Variants in LEO1 observed in about 807,000 individuals in gnomAD.
LEO1 encodes the protein LEO1 component of Paf1/RNA polymerase II complex.
In LEO1, 34 loss-of-function variants were observed where a neutral mutation model predicts 80.4. The observed-to-expected ratio is 0.42, with a 90% CI of 0.32 to 0.56. The LOEUF (loss-of-function observed/expected upper bound fraction) is 0.56. Among genes scored for constraint, LEO1 ranks in the 20% least tolerant of loss-of-function variants. The probability of loss-of-function intolerance (pLI) is 0.10; values close to 1 mark genes in which losing one functional copy is unlikely to be tolerated. For missense variants in LEO1, 631 were observed against 814.2 expected, an observed-to-expected ratio of 0.77 and a Z score of 2.74; for synonymous variants, 262 against 274.9, an observed-to-expected ratio of 0.95 and a Z score of 0.46.
At chr15:51,947,190 A>G in intron 11 of LEO1, 102 bp downstream of exon 11, 5 of 782,168 alleles carry the variant, frequency 6.4e-6, no homozygotes, top group Non-Finnish European at 1.1e-5. Context: ...TGACGTGTGT[A>G]GACAACTAAT....
At chr15:51,971,190 A>G (rs2057119937) in intron 1 of LEO1, among the ~76,000 whole-genome samples, 1 of 152,050 alleles carries the variant, frequency 6.6e-6, no homozygotes, top group Non-Finnish European at 1.5e-5. Flanking sequence ...ACCCCATCCC[A>G]TTATCCGTCC....
At chr15:51,948,330 T>G (rs75756083) in intron 10 of LEO1, among the ~76,000 whole-genome samples, 1 of 152,204 alleles carries the variant, frequency 6.6e-6, no homozygotes. Flanking sequence ...GTTACACACC[T>G]CTCTCTCTTA....
At chr15:51,947,442 G>T in intron 10 of LEO1, 53 bp from the exon 11 acceptor site, 2 of 1,317,512 alleles carry the variant, frequency 1.5e-6, no homozygotes, top group Non-Finnish European at 2.2e-6. Context: ...CTGAGACAGG[G>T]TCTTGCTTTG....
At chr15:51,962,176 A>AG (rs1363526613) in intron 3 of LEO1, among the ~76,000 whole-genome samples, 1 of 151,870 alleles carries the variant, frequency 6.6e-6, no homozygotes, top group Non-Finnish European at 1.5e-5. Context: ...AAAAAAAAAA[A>AG]AAAAACTACA....
intron 11 of LEO1, among the ~76,000 whole-genome samples, chr15:51,939,064 AAT>A (rs2056825483): frequency 6.6e-6 from 1 of 152,202 alleles, no homozygotes; most frequent in South Asian, 2.1e-4. Context: ...GCACGCCTGT[AAT>A]CCCAGCTACT....
At chr15:51,965,608 A>T (rs1026879290) in intron 2 of LEO1, 141 bp downstream of exon 2, 9 of 1,137,962 alleles carry the variant, frequency 7.9e-6, no homozygotes, top group Non-Finnish European at 1.1e-5. Context: ...AGCAAAATGT[A>T]TTCTAGAGTT....
At chr15:51,962,642 T>C (rs555379698) in intron 2 of LEO1, 149 bp from the exon 3 acceptor site, 203 of 594,030 alleles carry the variant, frequency 3.4e-4, no homozygotes, top group African/African-American at 3.3e-3. Context: ...ATGTAACCAA[T>C]TGGATGAATC....
Position 51,959,963 on chromosome 15 carries a change from T to C in LEO1, c.1096A>G (p.Asn366Asp). 6.2e-7 allele frequency: 1 copy of C among 1,613,540 alleles called. No homozygotes were observed. ...TRIEVEIPKV[N>D]TDLGNDLYFV... Reference sequence around the variant, plus strand: ...TATAAGTCGTTTCCTAAATCAGTGTTTACTTTGGGTATTTCTACTTCTATT... The same window carrying C: ...TATAAGTCGTTTCCTAAATCAGTGTCTACTTTGGGTATTTCTACTTCTATT... Residue 366 changes from asparagine to aspartate, a missense_variant, in exon 5 of 12, where the codon AAC becomes GAC. Physicochemically the swap from Asn to Asp is conservative, Grantham distance 23. Transcript: ENST00000299601.
At chr15:51,951,719 C>T (rs1595936233) in intron 9 of LEO1, 125 bp downstream of exon 9, 4 of 773,778 alleles carry the variant, frequency 5.2e-6, no homozygotes, top group East Asian at 5.3e-5. Flanking sequence ...GAATCCAGCT[C>T]CCTATTCATG....
chr15:51,942,188 A>G (rs893737102), intron 11 of LEO1, among the ~76,000 whole-genome samples: 51 of 152,336 alleles, frequency 3.3e-4, no homozygotes, highest in African/African-American at 1.2e-3. Flanking sequence ...AAACTAGGGT[A>G]CCATGAAGAG....
At chr15:51,951,754 C>T in intron 9 of LEO1, 90 bp downstream of exon 9, 1 of 1,153,316 alleles carries the variant, frequency 8.7e-7, no homozygotes, top group Non-Finnish European at 1.3e-6. Context: ...AAAAGGTAGG[C>T]CAATAAGAGA....
chr15:51,965,054 T>C (rs1198120588), intron 2 of LEO1, among the ~76,000 whole-genome samples: 1 of 152,156 alleles, frequency 6.6e-6, no homozygotes, highest in Non-Finnish European at 1.5e-5. Context: ...ACACTGTCCA[T>C]TGAGATCACC....
At chr15:51,962,694 C>T (rs2057040862) in intron 2 of LEO1, among the ~76,000 whole-genome samples, 1 of 152,202 alleles carries the variant, frequency 6.6e-6, no homozygotes, top group East Asian at 1.9e-4. Flanking sequence ...ATCTGAAAGA[C>T]TACATACTTA....
Position 51,966,149 on chromosome 15 carries a change from T to C in LEO1, c.414A>G (p.Ala138=). 1 of 1,614,058 alleles carries C rather than the reference T, an allele frequency of 6.2e-7. No homozygotes were observed. Among genetic ancestry groups the C allele is most frequent in the Non-Finnish European group, 8.5e-7 (1 of 1,180,036 alleles). ...HHSEAEGSEK[A]HSDDEKWGRE... is the part of the protein sequence containing the mutation. ...TGCCCCATTTTTCATCATCTGAATG[T>C]GCTTTTTCAGAACCTTCTGCTTCTG... The change falls in exon 2 of 12, where the codon GCA becomes GCG. Residue 138 remains alanine (A), a synonymous_variant. Transcript: ENST00000299601.
chr15:51,941,559 A>C lies in LEO1; in HGVS notation c.1897-3299T>G, dbSNP rs2056852628. Among the ~76,000 whole-genome samples the C allele has an allele frequency of 4.6e-5, 7 of 152,148 alleles. No individual in the cohort carries two copies. In the South Asian group the frequency reaches 1.5e-3, roughly 32 times the overall value. On this transcript the variant is annotated intron_variant, in intron 11 of 11. Coordinates refer to ENST00000299601, the MANE Select transcript of LEO1 (RefSeq NM_138792.4). Reference sequence around the variant, plus strand: ...GATACCTCTCCTTTCCACTGTCTCCATGTTTCTTTCAGCTTGGGTCTTTCC... The same window carrying C: ...GATACCTCTCCTTTCCACTGTCTCCCTGTTTCTTTCAGCTTGGGTCTTTCC...
At chr15:51,944,526 T>G (rs912309803) in intron 11 of LEO1, among the ~76,000 whole-genome samples, 1 of 152,136 alleles carries the variant, frequency 6.6e-6, no homozygotes, top group Non-Finnish European at 1.5e-5. Context: ...AAATAAGAAT[T>G]TTTAAAAAAT....
chr15:51,965,700 T>C, intron 2 of LEO1, 49 bp downstream of exon 2: 1 of 1,547,014 alleles, frequency 6.5e-7, no homozygotes, highest in Non-Finnish European at 8.7e-7. Flanking sequence ...GTCCCTGCTG[T>C]ATCTGAATGC....
At chr15:51,960,281 C>G (rs1454108661) in intron 4 of LEO1, among the ~76,000 whole-genome samples, 2 of 152,140 alleles carry the variant, frequency 1.3e-5, no homozygotes, top group African/African-American at 4.8e-5. Context: ...AAATACTCAA[C>G]AAAAGTGTGA....
intron 11 of LEO1, chr15:51,946,981 TTCTTCCAGGCCTTTCCA>T: frequency 3.3e-6 from 1 of 306,302 alleles, no homozygotes; most frequent in Non-Finnish European, 6.0e-6. Context: ...CCTGCACCTT[TTCTTCCAGGCCTTTCCA>T]TCTATCCGGA....
Sources: gnomAD v4.1 joint callset for allele counts (sites outside exome capture counted in the v4.1 genomes callset) on GRCh38, gnomAD v4.1.1 for gene constraint, MANE v1.5 for transcripts, NCBI Gene and HGNC (gene_info 2026-07-23, HGNC 2026-07-21) for gene names.